Variants in MGMT observed in about 807,000 individuals in gnomAD.
MGMT encodes the protein methylated-DNA--protein-cysteine methyltransferase.
In MGMT, 14 loss-of-function variants were observed where a neutral mutation model predicts 15.9. The ratio of observed to expected loss-of-function variants is 0.88; its 90% CI spans 0.58 to 1.37. MGMT has a LOEUF of 1.37. Ranked by LOEUF, MGMT falls within the 40% of genes most tolerant of loss-of-function variation. MGMT has a pLI of 0.00. For missense variants in MGMT, 282 were observed against 268.1 expected (o/e 1.05, Z -0.36); for synonymous variants, 130 against 118.2 (o/e 1.10, Z -0.65).
intron 2 of MGMT, among the ~76,000 whole-genome samples, chr10:129,671,755 G>T (rs1361446936): frequency 6.6e-6 from 1 of 152,242 alleles, no homozygotes; most frequent in East Asian, 1.9e-4. Context: ...CAAAGAAATC[G>T]CTCACGTCAT....
chr10:129,723,843 A>G (rs528079906), intron 3 of MGMT, among the ~76,000 whole-genome samples: 2 of 152,318 alleles, frequency 1.3e-5, no homozygotes, highest in East Asian at 3.9e-4. Flanking sequence ...AGACATCTGC[A>G]TATATCCCAG....
chr10:129,471,368 A>G (rs908986998), intron 1 of MGMT, among the ~76,000 whole-genome samples: 7 of 152,212 alleles, frequency 4.6e-5, no homozygotes, highest in East Asian at 1.9e-4. Context: ...ATGGGGCATT[A>G]TATGTTGAAA....
chr10:129,622,838 G>A (rs182748029), intron 2 of MGMT, among the ~76,000 whole-genome samples: 39 of 152,244 alleles, frequency 2.6e-4, no homozygotes, highest in African/African-American at 7.5e-4. Flanking sequence ...GAGGGGCTTC[G>A]TCACATGGCT....
intron 1 of MGMT, among the ~76,000 whole-genome samples, chr10:129,469,626 C>T (rs1276706429): frequency 6.6e-6 from 1 of 152,182 alleles, no homozygotes; most frequent in Non-Finnish European, 1.5e-5. Flanking sequence ...TTGCTACGGT[C>T]CTTCCTGACC....
At chr10:129,671,518 C>T (rs949634763) in intron 2 of MGMT, among the ~76,000 whole-genome samples, 5 of 152,074 alleles carry the variant, frequency 3.3e-5, no homozygotes, top group African/African-American at 9.7e-5. Context: ...AGCTCAGTAG[C>T]AGTCAAGTGG....
In MGMT at chr10:129,659,321, C is replaced by T. The variant is rs1440707711; in HGVS notation, c.126-48574C>T. 4.0e-5 allele frequency among the ~76,000 whole-genome samples: 6 copies of T among 151,198 alleles called. No individual in the cohort carries two copies. The highest frequency in any genetic ancestry group is 1.9e-4 in the East Asian group (1 of 5,154). On this transcript the variant is annotated intron_variant, in intron 2 of 4. Transcript: ENST00000651593. The surrounding 1 kb of genome is among the most constrained non-coding windows in gnomAD (Gnocchi z 4.1). ...GCAGTGAGCCAAGATCGCACCACTG[C>T]GCTCCAGCCTGGGTGGCAGAGCGAG...
chr10:129,580,659 A>G (rs1846541573), intron 2 of MGMT, among the ~76,000 whole-genome samples: 2 of 152,152 alleles, frequency 1.3e-5, no homozygotes, highest in Non-Finnish European at 2.9e-5. Flanking sequence ...CTACAAAAGG[A>G]TGCTGGACAG....
intron 2 of MGMT, among the ~76,000 whole-genome samples, chr10:129,616,998 C>T (rs60329457): frequency 6.6e-6 from 1 of 152,314 alleles, no homozygotes; most frequent in East Asian, 1.9e-4. Context: ...TTCAGGGGTA[C>T]ATGTGCATGT....
chr10:129,600,322 C>A (rs888298422), intron 2 of MGMT, among the ~76,000 whole-genome samples: 6 of 152,168 alleles, frequency 3.9e-5, no homozygotes, highest in Non-Finnish European at 8.8e-5. Context: ...TCCTTTGTCT[C>A]CGAGCCACAT....
At position 129,497,285 on chromosome 10, in the gene MGMT, G is replaced by T. The variant is rs368277349; in HGVS notation, c.-13+29989G>T. Among the ~76,000 whole-genome samples the T allele has an allele frequency of 3.3e-4, 51 of 152,272 alleles. 1 individual carries two copies. The South Asian group carries it at 0.011, about 32-fold the overall frequency. On this transcript the variant is annotated intron_variant, in intron 1 of 4. Coordinates refer to ENST00000651593, the MANE Select transcript of MGMT (RefSeq NM_002412.5). ...AGGCAAGGGGAGGGTTTTCACGGAG[G>T]GGCGGTGCACAGCTCTGTGCCTCCC...
At chr10:129,696,722 G>A (rs1344966837) in intron 2 of MGMT, among the ~76,000 whole-genome samples, 2 of 152,244 alleles carry the variant, frequency 1.3e-5, no homozygotes, top group African/African-American at 2.4e-5. Context: ...GGTCGGAGCC[G>A]AGGGCTGGAG....
intron 2 of MGMT, among the ~76,000 whole-genome samples, chr10:129,620,066 T>C (rs1847073966): frequency 6.6e-6 from 1 of 152,346 alleles, no homozygotes; most frequent in Admixed American, 6.5e-5. Context: ...TGTGTGTCTT[T>C]GGAGGACAGA....
intron 2 of MGMT, among the ~76,000 whole-genome samples, chr10:129,649,554 T>G (rs2133096383): frequency 1.3e-5 from 2 of 152,300 alleles, no homozygotes; most frequent in Middle Eastern, 6.8e-3. Context: ...ATGGAAACTA[T>G]TAAATGTAAT....
chr10:129,720,940 G>A (rs1848362871), intron 3 of MGMT, among the ~76,000 whole-genome samples: 1 of 125,048 alleles, frequency 8.0e-6, no homozygotes, highest in African/African-American at 3.2e-5. Flanking sequence ...AAATGTCAGG[G>A]GGAAAAAAAA....
At chr10:129,650,450 C>T (rs916783702) in intron 2 of MGMT, among the ~76,000 whole-genome samples, 1 of 152,142 alleles carries the variant, frequency 6.6e-6, no homozygotes, top group Non-Finnish European at 1.5e-5. Context: ...AGAGCCAGCT[C>T]CTGGTGGAGT....
At chr10:129,553,071 C>T (rs886720454) in intron 2 of MGMT, among the ~76,000 whole-genome samples, 5 of 152,130 alleles carry the variant, frequency 3.3e-5, no homozygotes, top group African/African-American at 4.8e-5. Flanking sequence ...CTTAACCATG[C>T]GCAGCCAGCT....
rs548626090 is a variant in MGMT at position 129,552,154 on chromosome 10, C to T, written c.125+15777C>T. The stretch of plus-strand genomic sequence containing the variant: ...CTGCTGAGAGGAAGGCCAGTGGGGC[C>T]GCAGACAGGAGGGGAGGCCACAGCC... On this transcript the variant is annotated intron_variant, in intron 2 of 4. Coordinates refer to ENST00000651593, the MANE Select transcript of MGMT (RefSeq NM_002412.5). 3.4e-3 allele frequency among the ~76,000 whole-genome samples: 520 copies of T among 152,324 alleles called. 3 individuals carry two copies. The highest frequency in any genetic ancestry group is 4.5e-3 in the Non-Finnish European group (308 of 68,026).
chr10:129,503,579 A>G (rs915731377), intron 1 of MGMT, among the ~76,000 whole-genome samples: 2 of 152,252 alleles, frequency 1.3e-5, no homozygotes, highest in African/African-American at 4.8e-5. Context: ...GAAATTTAAA[A>G]AAGAGACTGT....
rs1478143754 is a variant in MGMT at position 129,533,778 on chromosome 10, A to G, written c.-12-2463A>G. On this transcript the variant is annotated intron_variant, in intron 1 of 4. Transcript: ENST00000651593. The surrounding 1 kb of genome is among the most constrained non-coding windows in gnomAD (Gnocchi z 4.5). The stretch of plus-strand genomic sequence containing the variant: ...AGAGCTGCCAGCATCCTGCCTGAGA[A>G]GCAGTGGCCCGGGATGGTGGGAGAT... Among the ~76,000 whole-genome samples, 1 of 152,144 alleles carries G rather than the reference A, an allele frequency of 6.6e-6. No homozygotes were observed. The highest frequency in any genetic ancestry group is 2.4e-5 in the African/African-American group (1 of 41,422).
Sources: allele counts gnomAD v4.1 joint callset (sites outside exome capture counted in the v4.1 genomes callset), GRCh38; gene constraint gnomAD v4.1.1; non-coding constraint Gnocchi (gnomAD v3.1); transcripts MANE v1.5; gene names NCBI Gene and HGNC (gene_info 2026-07-23, HGNC 2026-07-21).